The following PPP1R12B variants were observed in gnomAD, a reference collection of about 807,000 sequenced individuals.
PPP1R12B encodes the protein myosin phosphatase target subunit 2.
A neutral mutation model predicts 126.1 loss-of-function variants in PPP1R12B; 76 were observed. The observed-to-expected ratio is 0.60, with a 90% confidence interval of 0.50 to 0.73. PPP1R12B has a LOEUF of 0.73. Ranked by LOEUF, PPP1R12B falls within the 30% of genes least tolerant of loss-of-function variation. PPP1R12B has a pLI of 0.00. For synonymous variants in PPP1R12B, 356 were observed against 434.7 expected, an observed-to-expected ratio of 0.82 and a Z score of 2.25; for missense variants, 1,052 against 1,205.1, an observed-to-expected ratio of 0.87 and a Z score of 1.88.
chr1:202,470,766 C>T (rs1018968149), intron 13 of PPP1R12B, among the ~76,000 whole-genome samples: 1 of 151,896 alleles, frequency 6.6e-6, no homozygotes, highest in Non-Finnish European at 1.5e-5. Context: ...TTAGCCAGGC[C>T]TGGGAGCCTG....
intron 10 of PPP1R12B, chr1:202,439,895 C>T (rs1178696974): frequency 1.5e-5 from 4 of 273,422 alleles, no homozygotes; most frequent in South Asian, 4.5e-5. Context: ...TTGCCCCACA[C>T]TGTCTAGGCT....
chr1:202,351,324 C>T (rs902507769), intron 1 of PPP1R12B, among the ~76,000 whole-genome samples: 23 of 150,836 alleles, frequency 1.5e-4, no homozygotes, highest in Admixed American at 1.3e-3. Flanking sequence ...ATGCAACCTC[C>T]GTCTCCCAAG....
At chr1:202,434,176 A>G (rs547025236) in intron 8 of PPP1R12B, among the ~76,000 whole-genome samples, 1 of 152,332 alleles carries the variant, frequency 6.6e-6, no homozygotes, top group African/African-American at 2.4e-5. Context: ...ATGTATTATT[A>G]TCACTACTTT....
intron 18 of PPP1R12B, among the ~76,000 whole-genome samples, chr1:202,556,163 A>G (rs1388510665): frequency 1.3e-5 from 2 of 152,210 alleles, no homozygotes; most frequent in Non-Finnish European, 2.9e-5. Context: ...GGCGTGAACC[A>G]CTGCACCTGG....
At chr1:202,536,197 G>T (rs1294844938) in intron 18 of PPP1R12B, among the ~76,000 whole-genome samples, 1 of 152,142 alleles carries the variant, frequency 6.6e-6, no homozygotes, top group African/African-American at 2.4e-5. Context: ...TCTAAGAAAT[G>T]AGTTTTTAGG....
At chr1:202,449,195 T>C (rs570406431) in intron 13 of PPP1R12B, 24 bp downstream of exon 13, 2 of 1,572,070 alleles carry the variant, frequency 1.3e-6, no homozygotes, top group East Asian at 2.3e-5. Flanking sequence ...CTGATTTCAT[T>C]TGTGGGGCTC....
Position 202,588,846 on chromosome 1 carries a change from G to GATAGATAGATAGATAGAT in PPP1R12B, c.*8288_*8305dup, listed in dbSNP as rs1553332138. Reference sequence around the variant, plus strand: ...CGTAAGATAGATAGATAGATAGATAGATAGATAGATAGATAGATAGATAGA... The same window carrying GATAGATAGATAGATAGAT: ...CGTAAGATAGATAGATAGATAGATAGATAGATAGATAGATAGATATAGATAGATAGATAGATAGATAGA... On this transcript the variant is annotated 3_prime_UTR_variant, in exon 24 of 24. Transcript: ENST00000608999. 17 of 144,676 alleles carry GATAGATAGATAGATAGAT rather than the reference G, an allele frequency of 1.2e-4. 1 individual carries two copies. The highest frequency in any genetic ancestry group is 2.1e-4 in the Non-Finnish European group (14 of 67,440). The allele number at this position is 144,676 out of a possible 1,614,324, so 9.0% of individuals were successfully genotyped here. A position where few individuals can be genotyped will look rare whatever the true frequency, so the allele number is the denominator to read the frequency against.
intron 1 of PPP1R12B, among the ~76,000 whole-genome samples, chr1:202,350,222 C>T (rs1465962334): frequency 6.6e-6 from 1 of 152,198 alleles, no homozygotes; most frequent in Non-Finnish European, 1.5e-5. Context: ...AGAAGAAACT[C>T]TTTCACCCTA....
At chr1:202,530,994 A>G (rs565378750) in intron 18 of PPP1R12B, among the ~76,000 whole-genome samples, 24 of 152,252 alleles carry the variant, frequency 1.6e-4, no homozygotes, top group African/African-American at 5.8e-4. Context: ...TGTCTCCCTC[A>G]CTCAGGAGCA....
intron 20 of PPP1R12B, among the ~76,000 whole-genome samples, chr1:202,563,839 A>C (rs1288426782): frequency 1.3e-5 from 2 of 152,060 alleles, no homozygotes; most frequent in Non-Finnish European, 2.9e-5. Flanking sequence ...AGGGTGAGGC[A>C]GGATGATCAC....
intron 13 of PPP1R12B, among the ~76,000 whole-genome samples, chr1:202,455,668 C>A (rs1418803592): frequency 6.6e-6 from 1 of 152,144 alleles, no homozygotes. Flanking sequence ...AATAATGTTA[C>A]CACAAGCATT....
chr1:202,524,704 T>C lies in PPP1R12B; in HGVS notation c.2490+27882T>C, dbSNP rs541691453. ...TGCAAATGCCATTATTTCATTCCTTTTTATGGCTGAGTAGTATTCCATGTT... is the reference window on the plus strand; with the variant it reads ...TGCAAATGCCATTATTTCATTCCTTCTTATGGCTGAGTAGTATTCCATGTT... On this transcript the variant is annotated intron_variant, in intron 18 of 23. Transcript: ENST00000608999. Among the ~76,000 whole-genome samples, 6 of 152,306 alleles carry C rather than the reference T, an allele frequency of 3.9e-5. No individual in the cohort carries two copies. The South Asian group carries it at 1.2e-3, about 32-fold the overall frequency.
At chr1:202,438,429 GC>G (rs916750219) in intron 10 of PPP1R12B, 4 of 464,856 alleles carry the variant, frequency 8.6e-6, no homozygotes, top group East Asian at 5.3e-5. Context: ...TAAGCCCTCT[GC>G]CCCCGCCTCC....
intron 2 of PPP1R12B, among the ~76,000 whole-genome samples, chr1:202,420,238 TC>T (rs2148628307): frequency 6.6e-6 from 1 of 152,320 alleles, no homozygotes; most frequent in African/African-American, 2.4e-5. Flanking sequence ...AATGGTTGCA[TC>T]GAGGTACAGT....
chr1:202,439,911 C>T, intron 10 of PPP1R12B: 1 of 224,732 alleles, frequency 4.4e-6, no homozygotes, highest in Middle Eastern at 1.6e-3. Flanking sequence ...AGGCTCACTT[C>T]CTGCCACAGT....
chr1:202,415,582 TACC>T (rs1667958362), intron 1 of PPP1R12B, among the ~76,000 whole-genome samples: 2 of 152,222 alleles, frequency 1.3e-5, no homozygotes, highest in Admixed American at 1.3e-4. Context: ...GTGGGCCTTC[TACC>T]ACATTTTTAT....
chr1:202,425,086 T>C (rs1458717901), intron 3 of PPP1R12B, among the ~76,000 whole-genome samples: 2 of 152,222 alleles, frequency 1.3e-5, no homozygotes, highest in African/African-American at 4.8e-5. Context: ...ATCGGAGTTC[T>C]AGCGGCAAGT....
Position 202,562,953 on chromosome 1 carries a change from T to C in PPP1R12B, c.2652+31T>C, listed in dbSNP as rs199545760. 1.6e-3 allele frequency: 2,472 copies of C among 1,532,262 alleles called. 4 individuals are homozygous for C. The highest frequency in any genetic ancestry group is 3.9e-3 in the Middle Eastern group (22 of 5,606). The allele number at this position is 1,532,262 out of a possible 1,614,324, so 94.9% of individuals were successfully genotyped here. A position where few individuals can be genotyped will look rare whatever the true frequency, so the allele number is the denominator to read the frequency against. Reference sequence around the variant, plus strand: ...GTCTTTATTCAATTTTCCGGTTCTTTGGTGACATGTAAACCTCTCAGCCTT... The same window carrying C: ...GTCTTTATTCAATTTTCCGGTTCTTCGGTGACATGTAAACCTCTCAGCCTT... On this transcript the variant is annotated intron_variant, in intron 20 of 23. Coordinates refer to ENST00000608999, the MANE Select transcript of PPP1R12B (RefSeq NM_002481.4).
intron 1 of PPP1R12B, among the ~76,000 whole-genome samples, chr1:202,384,923 A>G (rs1662888380): frequency 6.6e-6 from 1 of 152,238 alleles, no homozygotes; most frequent in African/African-American, 2.4e-5. Flanking sequence ...GGAAAGCTCT[A>G]CATTTCCACT....
Sources: gnomAD v4.1 joint callset for allele counts (sites outside exome capture counted in the v4.1 genomes callset) on GRCh38, gnomAD v4.1.1 for gene constraint, MANE v1.5 for transcripts, NCBI Gene and HGNC (gene_info 2026-07-23, HGNC 2026-07-21) for gene names.